Variants in SETD1B observed in about 807,000 individuals in gnomAD.
The protein encoded by SETD1B is SET domain containing 1B, histone lysine methyltransferase, also known as histone-lysine N-methyltransferase SETD1B.
Under a neutral mutation model 148.0 loss-of-function variants are expected in SETD1B, and 7 were observed. The ratio of observed to expected loss-of-function variants is 0.05; its 90% CI spans 0.03 to 0.09. The LOEUF is 0.09. Ranked by LOEUF, SETD1B falls within the 10% of genes least tolerant of loss-of-function variation. SETD1B has a pLI of 1.00. For missense variants in SETD1B, 2,155 were observed against 2,729.9 expected, an observed-to-expected ratio of 0.79 and a Z score of 4.69; for synonymous variants, 1,361 against 1,186.5, an observed-to-expected ratio of 1.15 and a Z score of -3.02.
At chr12:121,811,731 C>G (rs1263424759) in intron 6 of SETD1B, among the ~76,000 whole-genome samples, 2 of 152,176 alleles carry the variant, frequency 1.3e-5, no homozygotes, top group Non-Finnish European at 2.9e-5. Context: ...GGGAGGAGGA[C>G]TGCCCCCTTC....
chr12:121,797,807 G>T, the SETD1B span: 7 of 351,078 alleles, frequency 2.0e-5, no homozygotes, highest in Non-Finnish European at 3.4e-5. Flanking sequence ...TTTAAAACAG[G>T]TTTCAGGGAG....
chr12:121,815,243 A>G (rs1016684203), intron 7 of SETD1B, among the ~76,000 whole-genome samples: 2 of 152,218 alleles, frequency 1.3e-5, no homozygotes, highest in East Asian at 1.9e-4. Flanking sequence ...CCTGAGCAGT[A>G]TAGCAAGAGC....
intron 13 of SETD1B, among the ~76,000 whole-genome samples, chr12:121,827,148 G>A (rs1186562634): frequency 1.3e-5 from 2 of 152,130 alleles, no homozygotes; most frequent in African/African-American, 4.8e-5. Context: ...CAGAGGCCCA[G>A]GGAGGCCAAG....
At chr12:121,793,079 TG>T in the SETD1B span, 1 of 1,301,728 alleles carries the variant, frequency 7.7e-7, no homozygotes, top group Non-Finnish European at 1.1e-6. Context: ...GGACACCCAG[TG>T]GGGGACGCCC....
At chr12:121,790,306 A>C in the SETD1B span, among the ~76,000 whole-genome samples, 13 of 152,204 alleles carry the variant, frequency 8.5e-5, no homozygotes, top group Admixed American at 7.2e-4. Context: ...CCCTTCCGCC[A>C]CTGTGTGTGG....
In SETD1B at chr12:121,806,066, G is replaced by A; in HGVS notation, c.505G>A (p.Val169Ile). ...DAVQHLHSTSVMGNIIHVELD... is the reference protein window; with the variant it reads ...DAVQHLHSTSIMGNIIHVELD... ...CGTTCAGCACTTGCACAGCACTTCCGTCATGGGCAACATTATCCACGTGGA... is the reference window on the plus strand; with the variant it reads ...CGTTCAGCACTTGCACAGCACTTCCATCATGGGCAACATTATCCACGTGGA... The change falls in exon 4 of 17, where the codon GTC becomes ATC. Residue 169 changes from valine to isoleucine, a missense_variant. Val to Ile is a conservative substitution (Grantham distance 29). Coordinates refer to ENST00000604567, the MANE Select transcript of SETD1B (RefSeq NM_001353345.2). The A allele has an allele frequency of 1.3e-6, 2 of 1,551,658 alleles. No individual in the cohort carries two copies. The highest frequency in any genetic ancestry group is 1.7e-6 in the Non-Finnish European group (2 of 1,146,982).
rs909665466 is a variant in SETD1B at position 121,823,509 on chromosome 12, C to T, written c.4930C>T (p.Arg1644Trp). 2 of 1,550,772 alleles carry T rather than the reference C, an allele frequency of 1.3e-6. No individual in the cohort carries two copies. The highest frequency in any genetic ancestry group is 1.7e-6 in the Non-Finnish European group (2 of 1,146,882). ...ELAKSRGPWR[R>W]PPKKRHEDLV... The stretch of plus-strand genomic sequence containing the variant: ...GGCCAAGAGCCGGGGGCCGTGGCGC[C>T]GGCCACCTAAGAAGCGCCATGAGGA... Residue 1644 changes from arginine (R) to tryptophan (W), a missense_variant, in exon 12 of 17, where the codon CGG (arginine) becomes TGG (tryptophan). Transcript: ENST00000604567.
Position 121,819,474 on chromosome 12 carries a change from G to A in SETD1B, c.3489G>A (p.Glu1163=). Residue 1163 remains glutamate, a synonymous_variant, in exon 11 of 17, where the codon GAG becomes GAA. Transcript: ENST00000604567. The part of the protein sequence containing the change: ...TSSSESSESS[E]FESSSESSPS... Reference sequence around the variant, plus strand: ...CCAGTGAGAGTTCCGAGTCTTCTGAGTTTGAGTCAAGCTCCGAGTCCTCGC... The same window carrying A: ...CCAGTGAGAGTTCCGAGTCTTCTGAATTTGAGTCAAGCTCCGAGTCCTCGC... 6.4e-7 allele frequency: 1 copy of A among 1,552,236 alleles called. No homozygotes were observed. Among genetic ancestry groups the A allele is most frequent in the Non-Finnish European group, 8.7e-7 (1 of 1,147,110 alleles).
rs1877037978 is a variant in SETD1B at position 121,830,376 on chromosome 12, T to G, written c.*137T>G. The stretch of plus-strand genomic sequence containing the variant: ...CTCTACCCAGCGGCCATTCAGGGCC[T>G]GGCGCCCCACACTACCCCCTGGAGC... On this transcript the variant is annotated 3_prime_UTR_variant, in exon 17 of 17. Transcript: ENST00000604567. This position sits in a 1 kb window ranked among gnomAD's most constrained non-coding sequence, Gnocchi z 5.7. 1.2e-6 allele frequency: 1 copy of G among 803,916 alleles called. No individual in the cohort carries two copies. Among genetic ancestry groups the G allele is most frequent in the African/African-American group, 1.7e-5 (1 of 57,154 alleles). 49.8% of individuals were successfully genotyped at this position (803,916 alleles called of 1,614,324 possible).
At chr12:121,793,333 ATCAGCCCCCCC>A in the SETD1B span, 2 of 1,444,238 alleles carry the variant, frequency 1.4e-6, no homozygotes, top group East Asian at 5.0e-5. Flanking sequence ...CTCGTCCCGG[ATCAGCCCCCCC>A]TCACCCCGCT....
At chr12:121,827,443 CAG>C in intron 13 of SETD1B, 74 bp from the exon 14 acceptor site, 1 of 1,449,134 alleles carries the variant, frequency 6.9e-7, no homozygotes, top group Non-Finnish European at 9.1e-7. Flanking sequence ...CTGGGGATGA[CAG>C]AGATCCAGAG....
chr12:121,827,904 C>A, intron 15 of SETD1B, 29 bp from the exon 16 acceptor site: 2 of 1,552,326 alleles, frequency 1.3e-6, no homozygotes, highest in Non-Finnish European at 8.7e-7. Flanking sequence ...GGGGCCGGCC[C>A]AGCCAGACTG....
Position 121,823,325 on chromosome 12 carries a change from T to TG in SETD1B, c.4746_4747insG (p.Pro1583AlafsTer25). Reference sequence around the variant, plus strand: ...TCCGGAACGCGGGGATCCCAGCCCCTCCACCACCCCTTCCCCCCCAGCCAC... The same window carrying TG: ...TCCGGAACGCGGGGATCCCAGCCCCTGCCACCACCCCTTCCCCCCCAGCCAC... On this transcript the variant is annotated frameshift_variant, in exon 12 of 17. Coordinates refer to ENST00000604567, the MANE Select transcript of SETD1B (RefSeq NM_001353345.2). LOFTEE classifies it high-confidence loss of function. 1 of 1,320,230 alleles carries TG rather than the reference T, an allele frequency of 7.6e-7. No homozygotes were observed. Among genetic ancestry groups the TG allele is most frequent in the Non-Finnish European group, 1.0e-6 (1 of 986,014 alleles). The allele number at this position is 1,320,230 out of a possible 1,614,324, so 81.8% of individuals were successfully genotyped here.
chr12:121,793,607 C>T, the SETD1B span: 3 of 1,550,304 alleles, frequency 1.9e-6, no homozygotes, highest in South Asian at 1.2e-5. Context: ...GGGCGGCGGT[C>T]TGGGCCAGGG....
intron 4 of SETD1B, 51 bp downstream of exon 4, chr12:121,806,156 C>T (rs973079599): frequency 2.1e-5 from 32 of 1,524,504 alleles, no homozygotes; most frequent in Non-Finnish European, 2.7e-5. Flanking sequence ...CCGACCCTTT[C>T]CCTCCCCACC....
the SETD1B span, among the ~76,000 whole-genome samples, chr12:121,796,939 A>G: frequency 6.6e-6 from 1 of 151,734 alleles, no homozygotes; most frequent in Non-Finnish European, 1.5e-5. Flanking sequence ...TCGGAGGCTG[A>G]GGCAGGAGAA....
chr12:121,827,176 G>C (rs923508030), intron 13 of SETD1B, among the ~76,000 whole-genome samples: 4 of 152,152 alleles, frequency 2.6e-5, no homozygotes, highest in African/African-American at 4.8e-5. Flanking sequence ...CGTGACACAA[G>C]GGTTTCGGAA....
chr12:121,793,459 T>G, the SETD1B span: 16,114 of 1,533,474 alleles, frequency 0.011, 126 homozygotes, highest in Non-Finnish European at 0.012. Context: ...GTAAGGGGCG[T>G]CCCTCGCCCC....
Position 121,809,869 on chromosome 12 carries a change from C to T in SETD1B, c.924C>T (p.Phe308=). The T allele has an allele frequency of 7.1e-6, 11 of 1,551,340 alleles. No homozygotes were observed. Among genetic ancestry groups the T allele is most frequent in the Non-Finnish European group, 9.6e-6 (11 of 1,146,990 alleles). Residue 308 remains phenylalanine (F), a synonymous_variant, in exon 6 of 17, where the codon TTC becomes TTT. Transcript: ENST00000604567. ...TCAGCCAGGACCCTGCAGTGACCTT[C>T]AAGGCCCGGCGCCACGAGAGCAAGT... ...YLFSQDPAVT[F]KARRHESKFT... is the part of the protein sequence containing the mutation.
Sources: allele counts gnomAD v4.1 joint callset (sites outside exome capture counted in the v4.1 genomes callset), GRCh38; gene constraint gnomAD v4.1.1; non-coding constraint Gnocchi (gnomAD v3.1); transcripts MANE v1.5; gene names NCBI Gene and HGNC (gene_info 2026-07-23, HGNC 2026-07-21).